The following KDM1B variants were observed in gnomAD, a reference collection of about 807,000 sequenced individuals.
The protein encoded by KDM1B is lysine demethylase 1B, also known as lysine-specific histone demethylase 2.
KDM1B carries 63 observed loss-of-function variants against 107.4 expected under a neutral mutation model. That is an observed-to-expected ratio of 0.59 (90% CI 0.48 to 0.72). KDM1B has a LOEUF of 0.72. Among genes scored for constraint, KDM1B ranks in the 30% least tolerant of loss-of-function variants. The pLI, the probability that KDM1B is intolerant of heterozygous loss-of-function variation, is 0.00. For missense variants in KDM1B, 749 were observed against 1,020.8 expected, an observed-to-expected ratio of 0.73 and a Z score of 3.63; for synonymous variants, 363 against 363.9, an observed-to-expected ratio of 1.00 and a Z score of 0.03.
chr6:18,197,530 A>C lies in KDM1B; in HGVS notation c.1147-57A>C. ...TTGCTCTGCAGTTCCGGAACAACTA[A>C]AACAGGACGTTGTTATCATCTGCTC... On this transcript the variant is annotated intron_variant, in intron 11 of 21. Coordinates refer to ENST00000650836, the MANE Select transcript of KDM1B (RefSeq NM_001364614.2). The surrounding 1 kb of genome is among the most constrained non-coding windows in gnomAD (Gnocchi z 4.5). 1 of 1,358,660 alleles carries C rather than the reference A, an allele frequency of 7.4e-7. No homozygotes were observed. The highest frequency in any genetic ancestry group is 1.0e-6 in the Non-Finnish European group (1 of 953,260). 84.2% of individuals were successfully genotyped at this position (1,358,660 alleles called of 1,614,324 possible). A position where few individuals can be genotyped will look rare whatever the true frequency, so the allele number is the denominator to read the frequency against.
intron 12 of KDM1B, among the ~76,000 whole-genome samples, chr6:18,198,448 C>G (rs1156869636): frequency 1.3e-5 from 2 of 148,902 alleles, no homozygotes; most frequent in East Asian, 4.1e-4. Flanking sequence ...AGGCAGGTCT[C>G]AAACTCCTCA....
intron 21 of KDM1B, among the ~76,000 whole-genome samples, chr6:18,219,799 TG>T (rs904108107): frequency 6.6e-6 from 1 of 152,188 alleles, no homozygotes; most frequent in African/African-American, 2.4e-5. Flanking sequence ...CATCACTATC[TG>T]GGAACAGTTA....
At position 18,197,362 on chromosome 6, in the gene KDM1B, A is replaced by G; in HGVS notation, c.1146+129A>G. 1.1e-6 allele frequency: 1 copy of G among 935,448 alleles called. No individual in the cohort carries two copies. The highest frequency in any genetic ancestry group is 1.7e-5 in the South Asian group (1 of 58,322). The allele number at this position is 935,448 out of a possible 1,614,324, so 57.9% of individuals were successfully genotyped here. A position where few individuals can be genotyped will look rare whatever the true frequency, so the allele number is the denominator to read the frequency against. On this transcript the variant is annotated intron_variant, in intron 11 of 21. Transcript: ENST00000650836. The surrounding 1 kb of genome is among the most constrained non-coding windows in gnomAD (Gnocchi z 4.5). ...TTAACAGAAGCAAGGCTTTCGCAGA[A>G]TGTGTTTCTCCTGAAAGGAGAATAT... is the stretch of plus-strand genomic sequence containing the variant.
rs181651772 is a variant in KDM1B at position 18,213,185 on chromosome 6, C to T, written c.1984-471C>T. On this transcript the variant is annotated intron_variant, in intron 18 of 21. Transcript: ENST00000650836. This position sits in a 1 kb window ranked among gnomAD's most constrained non-coding sequence, Gnocchi z 5.9. Reference sequence around the variant, plus strand: ...GGCACAGTGGCTCATGCCTGTAATCCCAGCACTTTGGAAGGCTGAGGAGGA... The same window carrying T: ...GGCACAGTGGCTCATGCCTGTAATCTCAGCACTTTGGAAGGCTGAGGAGGA... Among the ~76,000 whole-genome samples, 464 of 152,242 alleles carry T rather than the reference C, an allele frequency of 3.0e-3. 4 individuals are homozygous for T. The highest frequency in any genetic ancestry group is 0.011 in the African/African-American group (443 of 41,552).
At chr6:18,158,044 A>G (rs1410526113) in intron 2 of KDM1B, among the ~76,000 whole-genome samples, 1 of 151,974 alleles carries the variant, frequency 6.6e-6, no homozygotes, top group Non-Finnish European at 1.5e-5. Context: ...CGATCTCCTG[A>G]TGTCGTGATC....
chr6:18,200,654 G>A lies in KDM1B; in HGVS notation c.1359+78G>A, dbSNP rs1787972999. On this transcript the variant is annotated intron_variant, in intron 13 of 21. Transcript: ENST00000650836. This position sits in a 1 kb window ranked among gnomAD's most constrained non-coding sequence, Gnocchi z 4.3. ...ATTTGCTTGTGTGCAGTATTAATAT[G>A]CTTCTAAAGTAAATTACATATAACA... The A allele has an allele frequency of 7.3e-7, 1 of 1,360,902 alleles. No homozygotes were observed. The highest frequency in any genetic ancestry group is 1.0e-6 in the Non-Finnish European group (1 of 999,712). The allele number at this position is 1,360,902 out of a possible 1,614,324, so 84.3% of individuals were successfully genotyped here. A position where few individuals can be genotyped will look rare whatever the true frequency, so the allele number is the denominator to read the frequency against.
At position 18,204,149 on chromosome 6, in the gene KDM1B, T is replaced by A. The variant is rs540445799; in HGVS notation, c.1532-1388T>A. On this transcript the variant is annotated intron_variant, in intron 14 of 21. Coordinates refer to ENST00000650836, the MANE Select transcript of KDM1B (RefSeq NM_001364614.2). This position sits in a 1 kb window ranked among gnomAD's most constrained non-coding sequence, Gnocchi z 4.9. ...CCTTGAGCTGTTCTAAAAAAAAAAA[T>A]ATTTGAAGTAACTGATACTCAGTTC... Among the ~76,000 whole-genome samples, 1 of 151,212 alleles carries A rather than the reference T, an allele frequency of 6.6e-6. No homozygotes were observed. The highest frequency in any genetic ancestry group is 2.1e-4 in the South Asian group (1 of 4,802).
chr6:18,169,760 G>T (rs1211819724), intron 6 of KDM1B, among the ~76,000 whole-genome samples: 2 of 151,980 alleles, frequency 1.3e-5, no homozygotes, highest in East Asian at 3.9e-4. Context: ...TCTGTTGTTT[G>T]AGTGCTTACG....
intron 7 of KDM1B, among the ~76,000 whole-genome samples, chr6:18,179,851 T>TA (rs1297671272): frequency 9.5e-5 from 1 of 10,556 alleles, no homozygotes; most frequent in African/African-American, 2.4e-4. Flanking sequence ...TTTTTTTTCC[T>TA]TTTTTTTTTT....
rs1019734865 is a variant in KDM1B, at chr6:18,209,256, C to G, written c.1866+1050C>G. On this transcript the variant is annotated intron_variant, in intron 17 of 21. Coordinates refer to ENST00000650836, the MANE Select transcript of KDM1B (RefSeq NM_001364614.2). This position sits in a 1 kb window ranked among gnomAD's most constrained non-coding sequence, Gnocchi z 4.3. ...CTTGGGGTAGAGGGGATTTAGTAAACCTTGAAAATTTAAGTTTAGTTATAT... is the reference window on the plus strand; with the variant it reads ...CTTGGGGTAGAGGGGATTTAGTAAAGCTTGAAAATTTAAGTTTAGTTATAT... Among the ~76,000 whole-genome samples, 2 of 152,036 alleles carry G rather than the reference C, an allele frequency of 1.3e-5. No individual in the cohort carries two copies. Among genetic ancestry groups the G allele is most frequent in the African/African-American group, 2.4e-5 (1 of 41,382 alleles).
At chr6:18,176,546 A>G (rs1031803970) in intron 7 of KDM1B, among the ~76,000 whole-genome samples, 5 of 152,046 alleles carry the variant, frequency 3.3e-5, no homozygotes, top group African/African-American at 1.2e-4. Flanking sequence ...TCTCAGAGGG[A>G]ATGCTTTCAA....
chr6:18,176,665 GC>G (rs1243541946), intron 7 of KDM1B, among the ~76,000 whole-genome samples: 9 of 152,160 alleles, frequency 5.9e-5, no homozygotes, highest in East Asian at 1.9e-4. Flanking sequence ...TAATCATAAA[GC>G]GTTGCTGGAT....
intron 21 of KDM1B, among the ~76,000 whole-genome samples, chr6:18,220,032 C>A (rs896575453): frequency 2.6e-5 from 4 of 152,112 alleles, no homozygotes; most frequent in Non-Finnish European, 5.9e-5. Flanking sequence ...TGTTTTCACC[C>A]CTTGCTAACC....
rs75907649 is a variant in KDM1B, at chr6:18,178,079, T to C, written c.534+6600T>C. ...TCCTGTAATTGTAGATAAAATTGATTGATTGATTGATTTTTTTGTTTTGGA... is the reference window on the plus strand; with the variant it reads ...TCCTGTAATTGTAGATAAAATTGATCGATTGATTGATTTTTTTGTTTTGGA... On this transcript the variant is annotated intron_variant, in intron 7 of 21. Transcript: ENST00000650836. Among the ~76,000 whole-genome samples, 326 of 152,220 alleles carry C rather than the reference T, an allele frequency of 2.1e-3. 2 individuals are homozygous for C. Among genetic ancestry groups the C allele is most frequent in the African/African-American group, 7.4e-3 (309 of 41,540 alleles).
chr6:18,222,128 A>G lies in KDM1B; in HGVS notation c.*136A>G. 1 of 798,356 alleles carries G rather than the reference A, an allele frequency of 1.3e-6. No homozygotes were observed. The highest frequency in any genetic ancestry group is 2.6e-5 in the East Asian group (1 of 38,084). 49.5% of individuals were successfully genotyped at this position (798,356 alleles called of 1,614,324 possible). A position where few individuals can be genotyped will look rare whatever the true frequency, so the allele number is the denominator to read the frequency against. On this transcript the variant is annotated 3_prime_UTR_variant, in exon 22 of 22. Transcript: ENST00000650836. ...GAAATGTTTCTAAGGCGATATGATA[A>G]TGCAAACCTATTTCATCACTCTAAA...
At chr6:18,202,280 T>C (rs949239469) in intron 14 of KDM1B, among the ~76,000 whole-genome samples, 1 of 151,590 alleles carries the variant, frequency 6.6e-6, no homozygotes, top group Non-Finnish European at 1.5e-5. Context: ...GTGTCTGTAG[T>C]CCCAGCTACT....
Position 18,212,413 on chromosome 6 carries a change from G to A in KDM1B, c.1867-75G>A, listed in dbSNP as rs1465707499. ...TGTTCTTGCCAGTATAACAGCATGGGTTGTTGATACCAGTGTAGTGGTAGT... is the reference window on the plus strand; with the variant it reads ...TGTTCTTGCCAGTATAACAGCATGGATTGTTGATACCAGTGTAGTGGTAGT... On this transcript the variant is annotated intron_variant, in intron 17 of 21. Coordinates refer to ENST00000650836, the MANE Select transcript of KDM1B (RefSeq NM_001364614.2). This position sits in a 1 kb window ranked among gnomAD's most constrained non-coding sequence, Gnocchi z 5.2. The A allele has an allele frequency of 1.0e-5, 9 of 886,982 alleles. No individual in the cohort carries two copies. In the East Asian group the frequency reaches 2.2e-4, roughly 21 times the overall value. The allele number at this position is 886,982 out of a possible 1,614,324, so 54.9% of individuals were successfully genotyped here.
At chr6:18,174,135 G>A (rs997262883) in intron 7 of KDM1B, among the ~76,000 whole-genome samples, 1 of 152,166 alleles carries the variant, frequency 6.6e-6, no homozygotes, top group Non-Finnish European at 1.5e-5. Flanking sequence ...GTGTAAGTCT[G>A]TTTCTGGACC....
chr6:18,165,799 G>T (rs1785259698), intron 5 of KDM1B, among the ~76,000 whole-genome samples: 1 of 152,318 alleles, frequency 6.6e-6, no homozygotes, highest in African/African-American at 2.4e-5. Context: ...TGCAGCCTGG[G>T]TGACAGAGTG....
Sources: allele counts gnomAD v4.1 joint callset (sites outside exome capture counted in the v4.1 genomes callset), GRCh38; gene constraint gnomAD v4.1.1; non-coding constraint Gnocchi (gnomAD v3.1); transcripts MANE v1.5; gene names NCBI Gene and HGNC (gene_info 2026-07-23, HGNC 2026-07-21).